The following HEATR5A variants were observed in gnomAD, a reference collection of about 807,000 sequenced individuals.
The protein encoded by HEATR5A is HEAT repeat-containing protein 5A.
A neutral mutation model predicts 218.8 loss-of-function variants in HEATR5A; 178 were observed. The observed-to-expected ratio is 0.81, with a 90% CI of 0.72 to 0.92. HEATR5A has a LOEUF of 0.92. Ranked by LOEUF, HEATR5A falls within the 40% of genes least tolerant of loss-of-function variation. The pLI is 0.00. For missense variants in HEATR5A, 2,420 were observed against 2,418.9 expected (o/e 1.00, Z -0.01); for synonymous variants, 864 against 871.6 (o/e 0.99, Z 0.15).
Position 31,293,561 on chromosome 14 carries a change from TC to T in HEATR5A, c.5884del (p.Asp1962MetfsTer11), listed in dbSNP as rs1251963599. 6.2e-7 allele frequency: 1 copy of T among 1,613,368 alleles called. No individual in the cohort carries two copies. The highest frequency in any genetic ancestry group is 1.3e-5 in the African/African-American group (1 of 74,846). On this transcript the variant is annotated frameshift_variant, in exon 36 of 36. Coordinates refer to ENST00000543095, the MANE Select transcript of HEATR5A (RefSeq NM_015473.4). LOFTEE classifies it high-confidence loss of function. The stretch of plus-strand genomic sequence containing the variant: ...AGTTGCTGATCCCAGAGAATTTTCA[TC>T]CAAAAGGAAGGAAATGAGGATGGGC... ...LLPILISFLL[D>X]ENSLGSATSI...
rs1901162481 is a variant in HEATR5A at position 31,349,937 on chromosome 14, T to A, written c.2560A>T (p.Lys854Ter). 2 of 1,606,344 alleles carry A rather than the reference T, an allele frequency of 1.2e-6. No individual in the cohort carries two copies. The highest frequency in any genetic ancestry group is 1.7e-6 in the Non-Finnish European group (2 of 1,175,990). The change falls in exon 18 of 36, where the codon AAA becomes TAA. Residue 854 changes from lysine (K) to a stop codon, truncating the protein, a stop_gained. Coordinates refer to ENST00000543095, the MANE Select transcript of HEATR5A (RefSeq NM_015473.4). LOFTEE classifies it high-confidence loss of function. ...ATAACTAATGTTAAGGCAAATCTTT[T>A]CATTTCTTCTGGACCTAAACATCCC... ...SKGCLGPEEM[K>*]RFALTLVMGA...
intron 22 of HEATR5A, among the ~76,000 whole-genome samples, chr14:31,332,952 C>T (rs1350187194): frequency 2.7e-5 from 4 of 150,376 alleles, no homozygotes; most frequent in African/African-American, 9.8e-5. Context: ...CGCCACTGCA[C>T]TCCAGCCTGG....
In HEATR5A at chr14:31,350,122, C is replaced by T; in HGVS notation, c.2518-143G>A. 9.7e-6 allele frequency: 5 copies of T among 513,092 alleles called. No homozygotes were observed. The East Asian group carries it at 1.6e-4, about 17-fold the overall frequency. The allele number at this position is 513,092 out of a possible 1,614,324, so 31.8% of individuals were successfully genotyped here. A position where few individuals can be genotyped will look rare whatever the true frequency, so the allele number is the denominator to read the frequency against. On this transcript the variant is annotated intron_variant, in intron 17 of 35. Transcript: ENST00000543095. The stretch of plus-strand genomic sequence containing the variant: ...AAACAAATAAGAACACAAAAATCCA[C>T]ACTGATAATACAAATATAATTTCAT...
At chr14:31,351,680 T>C (rs1358784080) in intron 16 of HEATR5A, among the ~76,000 whole-genome samples, 2 of 152,146 alleles carry the variant, frequency 1.3e-5, no homozygotes, top group African/African-American at 4.8e-5. Context: ...GATGCCATCA[T>C]AGCTCATTGC....
chr14:31,295,696 C>G (rs1039277854), intron 34 of HEATR5A, among the ~76,000 whole-genome samples: 6 of 151,474 alleles, frequency 4.0e-5, no homozygotes, highest in Non-Finnish European at 8.8e-5. Flanking sequence ...TTAACATTTC[C>G]TCTTCTGCCA....
At chr14:31,346,952 T>A (rs1039337206) in intron 19 of HEATR5A, among the ~76,000 whole-genome samples, 2 of 152,170 alleles carry the variant, frequency 1.3e-5, no homozygotes, top group Admixed American at 1.3e-4. Flanking sequence ...TACAACGATA[T>A]GGTAAAGTGG....
At chr14:31,313,832 G>GC (rs752774189) in intron 27 of HEATR5A, among the ~76,000 whole-genome samples, 1 of 152,154 alleles carries the variant, frequency 6.6e-6, no homozygotes, top group Non-Finnish European at 1.5e-5. Context: ...CTATGGTATT[G>GC]CCCCAGACTT....
intron 9 of HEATR5A, among the ~76,000 whole-genome samples, chr14:31,385,776 G>A (rs753952220): frequency 6.6e-6 from 1 of 152,170 alleles, no homozygotes; most frequent in African/African-American, 2.4e-5. Context: ...TGCCCAGGCT[G>A]GAGTGCAGTG....
At chr14:31,409,842 G>C (rs182183908) in intron 1 of HEATR5A, among the ~76,000 whole-genome samples, 13 of 152,312 alleles carry the variant, frequency 8.5e-5, no homozygotes, top group African/African-American at 2.9e-4. Context: ...GGTCCTGATA[G>C]AAACTGCTAA....
chr14:31,308,830 G>A (rs1263718404), intron 29 of HEATR5A, 104 bp downstream of exon 29: 5 of 843,880 alleles, frequency 5.9e-6, no homozygotes, highest in Non-Finnish European at 8.8e-6. Context: ...AGTTGAAATC[G>A]TGCCACTGTA....
At chr14:31,386,206 G>C (rs2030212636) in intron 9 of HEATR5A, among the ~76,000 whole-genome samples, 2 of 152,070 alleles carry the variant, frequency 1.3e-5, no homozygotes, top group African/African-American at 4.8e-5. Flanking sequence ...TCTCTAAATG[G>C]GGGGTAGGGT....
chr14:31,362,404 TA>T (rs1330722927), intron 14 of HEATR5A, among the ~76,000 whole-genome samples: 184 of 142,498 alleles, frequency 1.3e-3, no homozygotes, highest in Middle Eastern at 3.5e-3. Context: ...AAATCCAAGT[TA>T]AAAAAAAAAA....
intron 12 of HEATR5A, among the ~76,000 whole-genome samples, chr14:31,373,157 A>G (rs375654066): frequency 6.6e-6 from 1 of 151,748 alleles, no homozygotes; most frequent in Admixed American, 6.6e-5. Flanking sequence ...CCTGAGCTCA[A>G]GCAATCCACT....
Position 31,380,556 on chromosome 14 carries a change from T to C in HEATR5A, c.1619A>G (p.Asp540Gly), listed in dbSNP as rs1385128287. Residue 540 changes from aspartate (D) to glycine (G), a missense_variant, in exon 11 of 36, where the codon GAT (aspartate) becomes GGT (glycine). Coordinates refer to ENST00000543095, the MANE Select transcript of HEATR5A (RefSeq NM_015473.4). ...KGKIIMTLAE[D>G]LLCSAAQNSR... ...GTTTTGAGCAGCAGAACACAGCAAATCCTCTGCTAATGTCATAATAATCTA... is the reference window on the plus strand; with the variant it reads ...GTTTTGAGCAGCAGAACACAGCAAACCCTCTGCTAATGTCATAATAATCTA... 6.2e-7 allele frequency: 1 copy of C among 1,600,656 alleles called. No individual in the cohort carries two copies. Among genetic ancestry groups the C allele is most frequent in the Admixed American group, 1.7e-5 (1 of 58,224 alleles).
At chr14:31,312,906 A>C in intron 28 of HEATR5A, 62 bp downstream of exon 28, 2 of 1,384,694 alleles carry the variant, frequency 1.4e-6, no homozygotes, top group Non-Finnish European at 2.0e-6. Context: ...AAAAACAAAA[A>C]AAAAGAAAAG....
In HEATR5A at chr14:31,361,557, T is replaced by A. The variant is rs552607558; in HGVS notation, c.2072-2500A>T. Reference sequence around the variant, plus strand: ...GAAAATAGTAGAAAATCTCTGCTTCTCAGTTGAAAGTGATTACTTTCCCAA... The same window carrying A: ...GAAAATAGTAGAAAATCTCTGCTTCACAGTTGAAAGTGATTACTTTCCCAA... On this transcript the variant is annotated intron_variant, in intron 14 of 35. Coordinates refer to ENST00000543095, the MANE Select transcript of HEATR5A (RefSeq NM_015473.4). Among the ~76,000 whole-genome samples, 15 of 152,320 alleles carry A rather than the reference T, an allele frequency of 9.8e-5. No individual in the cohort carries two copies. The East Asian group carries it at 2.5e-3, about 25-fold the overall frequency.
In HEATR5A at chr14:31,354,300, G is replaced by A. The variant is rs76509319; in HGVS notation, c.2412-3583C>T. Among the ~76,000 whole-genome samples the A allele has an allele frequency of 3.0e-3, 454 of 152,190 alleles. 13 individuals carry two copies. The East Asian group carries it at 0.065, about 22-fold the overall frequency. ...ATCGCACTGGAAGTTATAAAAATAC[G>A]TAAGGTTAGAGATTAAGAATTTGTT... On this transcript the variant is annotated intron_variant, in intron 16 of 35. Transcript: ENST00000543095.
At chr14:31,372,256 G>A (rs1054790051) in intron 12 of HEATR5A, among the ~76,000 whole-genome samples, 7 of 149,894 alleles carry the variant, frequency 4.7e-5, no homozygotes, top group Admixed American at 2.7e-4. Context: ...AACTAGTTCC[G>A]TGGAATCACA....
At chr14:31,318,138 A>G in intron 26 of HEATR5A, 86 bp downstream of exon 26, 1 of 1,142,096 alleles carries the variant, frequency 8.8e-7, no homozygotes, top group Non-Finnish European at 1.3e-6. Context: ...TAAGACAACC[A>G]TAAAGAAAAA....
Sources: allele counts gnomAD v4.1 joint callset (sites outside exome capture counted in the v4.1 genomes callset), GRCh38; gene constraint gnomAD v4.1.1; transcripts MANE v1.5; gene names NCBI Gene and HGNC (gene_info 2026-07-23, HGNC 2026-07-21).